CNTNAP2: variants seen among roughly 807,000 people sequenced by gnomAD.
CNTNAP2 encodes contactin associated protein 2, also known as contactin-associated protein-like 2.
A neutral mutation model predicts 155.2 loss-of-function variants in CNTNAP2; 98 were observed. That is an observed-to-expected ratio of 0.63 (90% CI 0.54 to 0.75). The LOEUF (loss-of-function observed/expected upper bound fraction) is 0.75. Ranked by LOEUF, CNTNAP2 falls within the 30% of genes least tolerant of loss-of-function variation. The pLI, the probability that CNTNAP2 is intolerant of heterozygous loss-of-function variation, is 0.00. For missense variants in CNTNAP2, 1,727 were observed against 1,688.1 expected, an observed-to-expected ratio of 1.02 and a Z score of -0.40; for synonymous variants, 651 against 631.2, an observed-to-expected ratio of 1.03 and a Z score of -0.47.
At chr7:148,296,835 C>A (rs939728935) in intron 21 of CNTNAP2, among the ~76,000 whole-genome samples, 1 of 152,090 alleles carries the variant, frequency 6.6e-6, no homozygotes, top group Non-Finnish European at 1.5e-5. Flanking sequence ...ACAAGACCGA[C>A]GAAAAAGTTC....
At chr7:146,230,100 G>A in intron 1 of CNTNAP2, among the ~76,000 whole-genome samples, 1 of 152,068 alleles carries the variant, frequency 6.6e-6, no homozygotes, top group East Asian at 1.9e-4. Flanking sequence ...ATTGAATTTT[G>A]ATCTAATAAA....
chr7:147,927,173 A>T (rs1800411470), intron 14 of CNTNAP2, among the ~76,000 whole-genome samples: 1 of 152,178 alleles, frequency 6.6e-6, no homozygotes, highest in Non-Finnish European at 1.5e-5. Flanking sequence ...ATTTTTTTAG[A>T]ATGGTCTAAG....
intron 1 of CNTNAP2, among the ~76,000 whole-genome samples, chr7:146,403,969 C>CA (rs1184567989): frequency 1.3e-5 from 2 of 151,122 alleles, no homozygotes; most frequent in Non-Finnish European, 1.5e-5. Context: ...ACTAAAAATA[C>CA]AAAAAATTAG....
intron 15 of CNTNAP2, among the ~76,000 whole-genome samples, chr7:148,023,941 G>A (rs1386387143): frequency 6.6e-6 from 1 of 152,068 alleles, no homozygotes; most frequent in African/African-American, 2.4e-5. Context: ...AAGGCCATAA[G>A]AGTAACTTAA....
At chr7:147,548,907 G>T (rs1432561615) in intron 11 of CNTNAP2, among the ~76,000 whole-genome samples, 1 of 152,170 alleles carries the variant, frequency 6.6e-6, no homozygotes, top group Non-Finnish European at 1.5e-5. Context: ...TCAAAGAGCA[G>T]ATGCTTGTAG....
chr7:147,639,361 T>G (rs959102560), intron 13 of CNTNAP2, 55 bp downstream of exon 13: 1 of 1,532,098 alleles, frequency 6.5e-7, no homozygotes, highest in Non-Finnish European at 9.0e-7. Context: ...GTGCTTAGAA[T>G]TGCCTAAAGA....
intron 21 of CNTNAP2, among the ~76,000 whole-genome samples, chr7:148,380,316 A>G (rs960359200): frequency 9.2e-5 from 14 of 152,354 alleles, no homozygotes; most frequent in Admixed American, 3.3e-4. Context: ...TGATAGCTAT[A>G]CTGTCATTTG....
intron 1 of CNTNAP2, among the ~76,000 whole-genome samples, chr7:146,694,952 T>G (rs1337435214): frequency 6.6e-6 from 1 of 152,204 alleles, no homozygotes; most frequent in African/African-American, 2.4e-5. Context: ...CCTACAACAT[T>G]ACTATAATTA....
chr7:146,487,737 G>T (rs1046477899), intron 1 of CNTNAP2, among the ~76,000 whole-genome samples: 2 of 152,154 alleles, frequency 1.3e-5, no homozygotes, highest in African/African-American at 4.8e-5. Flanking sequence ...ACTAACACAG[G>T]TAATGAGTGA....
chr7:146,260,605 G>A (rs911263375), intron 1 of CNTNAP2, among the ~76,000 whole-genome samples: 6 of 152,196 alleles, frequency 3.9e-5, no homozygotes, highest in African/African-American at 1.4e-4. Flanking sequence ...CCAGCCTGCT[G>A]GAATTGGACT....
At chr7:146,352,793 C>A (rs62503483) in intron 1 of CNTNAP2, among the ~76,000 whole-genome samples, 3 of 113,912 alleles carry the variant, frequency 2.6e-5, no homozygotes, top group Non-Finnish European at 5.0e-5. Context: ...CTCTCTCTGT[C>A]GCCCAGGCTG....
At chr7:147,169,348 T>A (rs1802181427) in intron 8 of CNTNAP2, among the ~76,000 whole-genome samples, 1 of 152,198 alleles carries the variant, frequency 6.6e-6, no homozygotes, top group South Asian at 2.1e-4. Flanking sequence ...TATTGCATGA[T>A]GCTGAGGATT....
At chr7:147,107,235 G>A (rs559069868) in intron 4 of CNTNAP2, among the ~76,000 whole-genome samples, 20 of 152,238 alleles carry the variant, frequency 1.3e-4, no homozygotes, top group African/African-American at 4.6e-4. Context: ...AATCGAGAAT[G>A]CATTGACCAA....
intron 1 of CNTNAP2, among the ~76,000 whole-genome samples, chr7:146,746,808 T>C (rs1217670721): frequency 2.0e-5 from 3 of 152,184 alleles, no homozygotes; most frequent in Non-Finnish European, 4.4e-5. Flanking sequence ...GGTTCTGATA[T>C]TTCAATGATA....
At chr7:147,192,428 T>C (rs1802699455) in intron 8 of CNTNAP2, among the ~76,000 whole-genome samples, 1 of 152,206 alleles carries the variant, frequency 6.6e-6, no homozygotes, top group South Asian at 2.1e-4. Flanking sequence ...TACTTCTATA[T>C]TCTGATCCAT....
intron 20 of CNTNAP2, among the ~76,000 whole-genome samples, chr7:148,259,929 C>T (rs1796527673): frequency 6.6e-6 from 1 of 152,110 alleles, no homozygotes; most frequent in Non-Finnish European, 1.5e-5. Flanking sequence ...TTTAATGAGC[C>T]TCTATTACAC....
intron 14 of CNTNAP2, among the ~76,000 whole-genome samples, chr7:147,961,430 T>C (rs945266762): frequency 6.6e-6 from 1 of 152,172 alleles, no homozygotes; most frequent in African/African-American, 2.4e-5. Flanking sequence ...GATCAAAAGA[T>C]ATACGTGGAG....
intron 3 of CNTNAP2, among the ~76,000 whole-genome samples, chr7:146,987,100 A>C (rs1798126805): frequency 6.6e-6 from 1 of 152,182 alleles, no homozygotes; most frequent in South Asian, 2.1e-4. Flanking sequence ...AATTTTATTA[A>C]ATTCAAACTG....
In CNTNAP2 at chr7:147,754,322, G is replaced by T. The variant is rs144520664; in HGVS notation, c.2098+115016G>T. Among the ~76,000 whole-genome samples the T allele has an allele frequency of 3.3e-3, 500 of 152,312 alleles. 6 individuals are homozygous for T. Among genetic ancestry groups the T allele is most frequent in the African/African-American group, 0.011 (471 of 41,566 alleles). On this transcript the variant is annotated intron_variant, in intron 13 of 23. Coordinates refer to ENST00000361727, the MANE Select transcript of CNTNAP2 (RefSeq NM_014141.6). ...TCATCTTAAACTTGATAGTTACAGG[G>T]AAGAGTAAGCTTGTATTCTGTCCTT...
Sources: allele counts gnomAD v4.1 joint callset (sites outside exome capture counted in the v4.1 genomes callset), GRCh38; gene constraint gnomAD v4.1.1; transcripts MANE v1.5; gene names NCBI Gene and HGNC (gene_info 2026-07-23, HGNC 2026-07-21).